The following HCN1 variants were observed in gnomAD, a reference collection of about 807,000 sequenced individuals.
The protein encoded by HCN1 is hyperpolarization activated cyclic nucleotide gated potassium channel 1.
A neutral mutation model predicts 78.9 loss-of-function variants in HCN1; 13 were observed. The ratio of observed to expected loss-of-function variants is 0.16; its 90% CI spans 0.11 to 0.26. The LOEUF is 0.26. Ranked by LOEUF, HCN1 falls within the 10% of genes least tolerant of loss-of-function variation. HCN1 has a pLI of 1.00. For missense variants in HCN1, 810 were observed against 1,154.3 expected, an observed-to-expected ratio of 0.70 and a Z score of 4.32; for synonymous variants, 552 against 455.5, an observed-to-expected ratio of 1.21 and a Z score of -2.70.
intron 2 of HCN1, among the ~76,000 whole-genome samples, chr5:45,490,298 A>G (rs542388226): frequency 1.3e-5 from 2 of 152,284 alleles, no homozygotes; most frequent in Non-Finnish European, 2.9e-5. Flanking sequence ...AAAGAAACAG[A>G]TACCAAAGGT....
chr5:45,315,439 C>A (rs1204128260), intron 5 of HCN1, among the ~76,000 whole-genome samples: 2 of 152,118 alleles, frequency 1.3e-5, no homozygotes. Flanking sequence ...ATTTATAGCA[C>A]TAAATGCCCA....
At chr5:45,539,530 T>C (rs978944940) in intron 2 of HCN1, among the ~76,000 whole-genome samples, 2 of 150,494 alleles carry the variant, frequency 1.3e-5, no homozygotes, top group Non-Finnish European at 1.5e-5. Context: ...CCTGGCGTGG[T>C]GGCGGGCACC....
intron 5 of HCN1, among the ~76,000 whole-genome samples, chr5:45,309,486 G>A (rs1175862113): frequency 6.6e-6 from 1 of 152,144 alleles, no homozygotes; most frequent in African/African-American, 2.4e-5. Flanking sequence ...TATTCAGTAT[G>A]ATGTTAGCCG....
chr5:45,509,354 A>G (rs1013481577), intron 2 of HCN1, among the ~76,000 whole-genome samples: 6 of 152,156 alleles, frequency 3.9e-5, no homozygotes, highest in Non-Finnish European at 8.8e-5. Flanking sequence ...TTATAAACTT[A>G]CACATTTAAC....
chr5:45,432,239 T>C (rs1740478287), intron 3 of HCN1, among the ~76,000 whole-genome samples: 1 of 152,120 alleles, frequency 6.6e-6, no homozygotes. Flanking sequence ...AGCTTGAATG[T>C]TGTTGGTGTA....
In HCN1 at chr5:45,426,158, A is replaced by G. The variant is rs76530823; in HGVS notation, c.1012-29448T>C. 1.6e-3 allele frequency among the ~76,000 whole-genome samples: 246 copies of G among 152,312 alleles called. 4 individuals carry two copies. In the East Asian group the frequency reaches 0.031, roughly 19 times the overall value. ...GCAAAAATTGTTGAAATCAAGTATG[A>G]TGAATCTCATGCATGTGATTCTTAC... On this transcript the variant is annotated intron_variant, in intron 3 of 7. Transcript: ENST00000303230.
At chr5:45,550,617 C>A (rs749877422) in intron 2 of HCN1, among the ~76,000 whole-genome samples, 14 of 152,002 alleles carry the variant, frequency 9.2e-5, no homozygotes, top group Non-Finnish European at 2.1e-4. Flanking sequence ...GCACACAGTG[C>A]ACATGTACCC....
intron 4 of HCN1, among the ~76,000 whole-genome samples, chr5:45,382,062 C>T (rs941069497): frequency 6.6e-6 from 1 of 152,146 alleles, no homozygotes; most frequent in Non-Finnish European, 1.5e-5. Flanking sequence ...CCCATCTCAG[C>T]GGCTGTGTAC....
At chr5:45,372,085 A>AATTATAT (rs1747393507) in intron 4 of HCN1, among the ~76,000 whole-genome samples, 4 of 58,108 alleles carry the variant, frequency 6.9e-5, no homozygotes, top group Admixed American at 3.3e-4. Context: ...TATATAATAT[A>AATTATAT]ATTATATATA....
At chr5:45,683,128 AT>A (rs869189631) in intron 1 of HCN1, among the ~76,000 whole-genome samples, 1 of 137,578 alleles carries the variant, frequency 7.3e-6, no homozygotes, top group East Asian at 2.2e-4. Flanking sequence ...TTATAAATTA[AT>A]TTTTTTATTT....
chr5:45,307,743 G>C (rs750984548), intron 5 of HCN1, among the ~76,000 whole-genome samples: 5 of 152,062 alleles, frequency 3.3e-5, no homozygotes, highest in Non-Finnish European at 7.4e-5. Flanking sequence ...TCCTGGATGG[G>C]ATCCTAGGAT....
intron 4 of HCN1, among the ~76,000 whole-genome samples, chr5:45,393,918 A>C (rs1739635221): frequency 1.3e-5 from 2 of 152,140 alleles, no homozygotes; most frequent in African/African-American, 4.8e-5. Context: ...TGGAGGCTTC[A>C]GTCTTATCAA....
At chr5:45,375,337 CAATATATAT>C (rs1747599592) in intron 4 of HCN1, among the ~76,000 whole-genome samples, 1 of 118,108 alleles carries the variant, frequency 8.5e-6, no homozygotes, top group Non-Finnish European at 1.6e-5. Flanking sequence ...TTATGATATA[CAATATATAT>C]AATATAATAT....
chr5:45,563,221 G>T (rs1743641088), intron 2 of HCN1, among the ~76,000 whole-genome samples: 1 of 152,042 alleles, frequency 6.6e-6, no homozygotes, highest in South Asian at 2.1e-4. Context: ...AGGCCGAGGT[G>T]GGTGGATCAC....
chr5:45,282,356 C>A (rs1236329216), intron 6 of HCN1, among the ~76,000 whole-genome samples: 2 of 152,098 alleles, frequency 1.3e-5, no homozygotes, highest in Non-Finnish European at 2.9e-5. Context: ...CACACAATAT[C>A]TTGAAAATAC....
At chr5:45,412,940 C>T in intron 3 of HCN1, among the ~76,000 whole-genome samples, 1 of 152,078 alleles carries the variant, frequency 6.6e-6, no homozygotes, top group East Asian at 1.9e-4. Flanking sequence ...CATAAGATGG[C>T]ATGCAGAAAG....
intron 2 of HCN1, among the ~76,000 whole-genome samples, chr5:45,506,722 G>T (rs988610927): frequency 2.6e-5 from 4 of 152,012 alleles, no homozygotes; most frequent in Non-Finnish European, 5.9e-5. Context: ...AAAATTGTTT[G>T]CCTAAAAGTA....
chr5:45,369,596 T>C (rs1747310996), intron 4 of HCN1, among the ~76,000 whole-genome samples: 1 of 152,104 alleles, frequency 6.6e-6, no homozygotes, highest in Non-Finnish European at 1.5e-5. Flanking sequence ...TATTCGCATC[T>C]GCCTGCATCA....
Position 45,552,800 on chromosome 5 carries a change from G to A in HCN1, c.850-90793C>T, listed in dbSNP as rs1234745416. ...AAAATTCGTAACTAAGAGTTGTGTT[G>A]AAGACAAGCAAATTTTGGTTCAATA... On this transcript the variant is annotated intron_variant, in intron 2 of 7. Transcript: ENST00000303230. 2.0e-5 allele frequency among the ~76,000 whole-genome samples: 3 copies of A among 151,838 alleles called. No homozygotes were observed. The Admixed American group carries it at 2.0e-4, about 10-fold the overall frequency.
Sources: allele counts gnomAD v4.1 joint callset (sites outside exome capture counted in the v4.1 genomes callset), GRCh38; gene constraint gnomAD v4.1.1; transcripts MANE v1.5; gene names NCBI Gene and HGNC (gene_info 2026-07-23, HGNC 2026-07-21).